Variants in RBBP5 observed in about 807,000 individuals in gnomAD.
The protein encoded by RBBP5 is RB binding protein 5, histone lysine methyltransferase complex subunit, also known as retinoblastoma-binding protein 5.
In RBBP5, 5 loss-of-function variants were observed where a neutral mutation model predicts 72.2. The observed-to-expected ratio is 0.07, with a 90% CI of 0.04 to 0.15. RBBP5 has a LOEUF of 0.15. Among genes scored for constraint, RBBP5 ranks in the 10% least tolerant of loss-of-function variants. The probability of loss-of-function intolerance (pLI) is 1.00; values close to 1 mark genes in which losing one functional copy is unlikely to be tolerated. For synonymous variants in RBBP5, 209 were observed against 237.2 expected, an observed-to-expected ratio of 0.88 and a Z score of 1.09; for missense variants, 322 against 652.2, an observed-to-expected ratio of 0.49 and a Z score of 5.51.
intron 3 of RBBP5, among the ~76,000 whole-genome samples, chr1:205,111,385 T>C (rs1656309927): frequency 6.6e-6 from 1 of 152,174 alleles, no homozygotes; most frequent in Non-Finnish European, 1.5e-5. Flanking sequence ...ACTTAAGATC[T>C]TACAGGGAAG....
intron 3 of RBBP5, among the ~76,000 whole-genome samples, chr1:205,106,623 T>A (rs557941249): frequency 6.6e-6 from 1 of 152,034 alleles, no homozygotes; most frequent in South Asian, 2.1e-4. Context: ...ATAAATAAGA[T>A]CTACAGTCTC....
rs1350557078 is a variant in RBBP5, at chr1:205,097,349, G to C, written c.1143C>G (p.Asp381Glu). 6.4e-6 allele frequency: 10 copies of C among 1,551,980 alleles called. No individual in the cohort carries two copies. In the Admixed American group the frequency reaches 2.0e-4, roughly 30 times the overall value. The change falls in exon 11 of 14, where the codon GAC becomes GAG. Residue 381 changes from aspartate to glutamate, a missense_variant. Asp to Glu is a conservative substitution (Grantham distance 45). This residue lies in a region of RBBP5 where 30 missense variants were observed against 82.1 expected (regional missense o/e 0.37). Coordinates refer to ENST00000264515, the MANE Select transcript of RBBP5 (RefSeq NM_005057.4). The stretch of plus-strand genomic sequence containing the variant: ...ACCTGCTACAGAAGGCAGCAATAGG[G>C]TCCACGCTGGTGACATCCACTTCCT... ...EDEEVDVTSVDPIAAFCSSDE... is the reference protein window; with the variant it reads ...EDEEVDVTSVEPIAAFCSSDE...
chr1:205,113,427 T>G (rs1185235005), intron 3 of RBBP5, among the ~76,000 whole-genome samples: 6 of 151,940 alleles, frequency 3.9e-5, no homozygotes, highest in Non-Finnish European at 5.9e-5. Context: ...ACTACAGATG[T>G]GCACCATACA....
At position 205,101,821 on chromosome 1, in the gene RBBP5, T is replaced by C. The variant is rs183293115; in HGVS notation, c.523-112A>G. On this transcript the variant is annotated intron_variant, in intron 5 of 13. Coordinates refer to ENST00000264515, the MANE Select transcript of RBBP5 (RefSeq NM_005057.4). The stretch of plus-strand genomic sequence containing the variant: ...CTGGGTAAAAATGCAAATGTCTCTA[T>C]TCCCATATATTTGACCTGATTAACT... The C allele has an allele frequency of 8.3e-6, 6 of 721,880 alleles. No homozygotes were observed. The African/African-American group carries it at 1.1e-4, about 13-fold the overall frequency. The allele number at this position is 721,880 out of a possible 1,614,324, so 44.7% of individuals were successfully genotyped here.
chr1:205,102,996 CAA>C (rs376931698), intron 5 of RBBP5, among the ~76,000 whole-genome samples: 5 of 117,282 alleles, frequency 4.3e-5, no homozygotes, highest in African/African-American at 6.6e-5. Flanking sequence ...AACTCCATCT[CAA>C]AAAAAAAAAA....
chr1:205,101,520 ATGAAAAC>A, intron 6 of RBBP5, 73 bp downstream of exon 6: 1 of 1,041,100 alleles, frequency 9.6e-7, no homozygotes, highest in Non-Finnish European at 1.4e-6. Flanking sequence ...TATAATATAC[ATGAAAAC>A]TGCAAATCTC....
At chr1:205,104,868 T>A (rs1222885669) in intron 4 of RBBP5, among the ~76,000 whole-genome samples, 160 bp downstream of exon 4, 1 of 151,986 alleles carries the variant, frequency 6.6e-6, no homozygotes, top group Non-Finnish European at 1.5e-5. Flanking sequence ...GAAAGAAATG[T>A]ATTCAGTAGA....
intron 13 of RBBP5, among the ~76,000 whole-genome samples, chr1:205,093,381 A>C (rs981035399): frequency 3.4e-5 from 5 of 146,902 alleles, no homozygotes; most frequent in Non-Finnish European, 7.5e-5. Flanking sequence ...AATCACTTGA[A>C]CCAGGAGGCA....
chr1:205,113,599 A>G (rs1219376425), intron 3 of RBBP5, among the ~76,000 whole-genome samples: 3 of 152,078 alleles, frequency 2.0e-5, no homozygotes, highest in Non-Finnish European at 4.4e-5. Context: ...TGATGGTTGC[A>G]CAACTCTGAA....
In RBBP5 at chr1:205,087,809, T is replaced by C. The variant is rs1390688960; in HGVS notation, c.*978A>G. On this transcript the variant is annotated 3_prime_UTR_variant, in exon 14 of 14. Transcript: ENST00000264515. ...ACAGTAAGAAAAAGGAGCACAGGTA[T>C]AGGCAGGGAAAAATGCAATGACTGA... 2.6e-5 allele frequency: 4 copies of C among 152,536 alleles called. No individual in the cohort carries two copies. Among genetic ancestry groups the C allele is most frequent in the Non-Finnish European group, 5.9e-5 (4 of 68,018 alleles). 9.4% of individuals were successfully genotyped at this position (152,536 alleles called of 1,614,324 possible).
chr1:205,113,816 C>G (rs1656415205), intron 3 of RBBP5, among the ~76,000 whole-genome samples: 1 of 151,986 alleles, frequency 6.6e-6, no homozygotes, highest in Admixed American at 6.6e-5. Context: ...TCCCAAGTAG[C>G]TGGGATTACA....
At chr1:205,101,835 A>C in intron 5 of RBBP5, 126 bp from the exon 6 acceptor site, 1 of 609,820 alleles carries the variant, frequency 1.6e-6, no homozygotes, top group Non-Finnish European at 2.8e-6. Context: ...CATATATTTG[A>C]CCTGATTAAC....
At chr1:205,100,928 G>A (rs973137450) in intron 6 of RBBP5, among the ~76,000 whole-genome samples, 1 of 152,162 alleles carries the variant, frequency 6.6e-6, no homozygotes, top group South Asian at 2.1e-4. Flanking sequence ...CATAAGGAGT[G>A]TACAACCTAG....
chr1:205,099,645 GA>G lies in RBBP5; in HGVS notation c.978+95del. The G allele has an allele frequency of 7.7e-7, 1 of 1,296,526 alleles. No individual in the cohort carries two copies. The highest frequency in any genetic ancestry group is 1.1e-6 in the Non-Finnish European group (1 of 928,946). 80.3% of individuals were successfully genotyped at this position (1,296,526 alleles called of 1,614,324 possible). A position where few individuals can be genotyped will look rare whatever the true frequency, so the allele number is the denominator to read the frequency against. On this transcript the variant is annotated intron_variant, in intron 9 of 13. Transcript: ENST00000264515. The surrounding 1 kb of genome is among the most constrained non-coding windows in gnomAD (Gnocchi z 4.7). ...TAGGTTGCGAGAATCATATGCAAAAGAAAATAAAAATGTAATTTTTAGCTTC... is the reference window on the plus strand; with the variant it reads ...TAGGTTGCGAGAATCATATGCAAAAGAAATAAAAATGTAATTTTTAGCTTC...
At chr1:205,105,006 G>C (rs750466380) in intron 4 of RBBP5, 22 bp downstream of exon 4, 1 of 1,611,462 alleles carries the variant, frequency 6.2e-7, no homozygotes, top group Non-Finnish European at 8.5e-7. Context: ...CCCACCCCAG[G>C]AGAGAAATAG....
intron 3 of RBBP5, among the ~76,000 whole-genome samples, chr1:205,107,752 C>T (rs995513339): frequency 1.3e-5 from 2 of 151,808 alleles, no homozygotes; most frequent in Non-Finnish European, 2.9e-5. Flanking sequence ...TGGAGACCAG[C>T]CTGGCCAACA....
At chr1:205,102,917 C>T (rs1469554715) in intron 5 of RBBP5, among the ~76,000 whole-genome samples, 3 of 149,638 alleles carry the variant, frequency 2.0e-5, no homozygotes, top group African/African-American at 4.9e-5. Context: ...CGCTGGAACC[C>T]GGGAGGGAGA....
At chr1:205,108,173 G>A (rs1010876392) in intron 3 of RBBP5, among the ~76,000 whole-genome samples, 35 of 151,660 alleles carry the variant, frequency 2.3e-4, no homozygotes, top group African/African-American at 7.8e-4. Context: ...AACTTGGGAG[G>A]CGGAGGTTGC....
intron 13 of RBBP5, 94 bp from the exon 14 acceptor site, chr1:205,088,909 C>T: frequency 1.7e-6 from 2 of 1,165,812 alleles, no homozygotes; most frequent in Non-Finnish European, 2.4e-6. Flanking sequence ...TGATGCATTA[C>T]AAGCACACGT....
Sources: gnomAD v4.1 joint callset for allele counts (sites outside exome capture counted in the v4.1 genomes callset) on GRCh38, gnomAD v4.1.1 for gene constraint, gnomAD v4.1.1 regional missense constraint, Gnocchi (gnomAD v3.1) non-coding constraint, MANE v1.5 for transcripts, NCBI Gene and HGNC (gene_info 2026-07-23, HGNC 2026-07-21) for gene names.